The following ARHGAP39 variants were observed in gnomAD, a reference collection of about 807,000 sequenced individuals.
ARHGAP39 encodes Rho GTPase activating protein 39.
ARHGAP39 carries 44 observed loss-of-function variants against 106.9 expected under a neutral mutation model. The observed-to-expected ratio is 0.41, with a 90% CI of 0.32 to 0.53. The LOEUF is 0.53. Among genes scored for constraint, ARHGAP39 ranks in the 20% least tolerant of loss-of-function variants. The pLI is 0.21. For missense variants in ARHGAP39, 1,496 were observed against 1,577.3 expected, an observed-to-expected ratio of 0.95 and a Z score of 0.87; for synonymous variants, 768 against 693.2, an observed-to-expected ratio of 1.11 and a Z score of -1.69.
chr8:144,579,201 C>CAAAAAAAAAAAAAAAAAA (rs541332282), intron 3 of ARHGAP39, among the ~76,000 whole-genome samples: 1 of 39,918 alleles, frequency 2.5e-5, no homozygotes, highest in Non-Finnish European at 5.1e-5. Context: ...GACTCTGTCT[C>CAAAAAAAAAAAAAAAAAA]AAAAAAAAAA....
the ARHGAP39 span, among the ~76,000 whole-genome samples, chr8:144,695,564 AAG>A: frequency 6.6e-6 from 1 of 152,144 alleles, no homozygotes; most frequent in East Asian, 1.9e-4. Flanking sequence ...GAGACGAATT[AAG>A]AGTCTGTTTA....
intron 1 of ARHGAP39, among the ~76,000 whole-genome samples, chr8:144,623,543 A>T (rs1255577280): frequency 1.3e-5 from 2 of 152,242 alleles, no homozygotes; most frequent in Non-Finnish European, 2.9e-5. Context: ...TGGCGAGGCG[A>T]CCCAGACCTG....
At position 144,548,632 on chromosome 8, in the gene ARHGAP39, C is replaced by G; in HGVS notation, c.597-143G>C. ...GCTGGGGCCCTGTGGCCTGGCGCCCCTCACACCTGCCTTGCCCCAGCACCC... is the reference window on the plus strand; with the variant it reads ...GCTGGGGCCCTGTGGCCTGGCGCCCGTCACACCTGCCTTGCCCCAGCACCC... On this transcript the variant is annotated intron_variant, in intron 4 of 11. Transcript: ENST00000377307. This position sits in a 1 kb window ranked among gnomAD's most constrained non-coding sequence, Gnocchi z 7.4. The G allele has an allele frequency of 8.4e-7, 1 of 1,194,252 alleles. No individual in the cohort carries two copies. The highest frequency in any genetic ancestry group is 2.7e-5 in the East Asian group (1 of 37,406). The allele number at this position is 1,194,252 out of a possible 1,614,324, so 74.0% of individuals were successfully genotyped here. A position where few individuals can be genotyped will look rare whatever the true frequency, so the allele number is the denominator to read the frequency against.
rs1819142695 is a variant in ARHGAP39 at position 144,585,381 on chromosome 8, C to T, written c.81-4104G>A. ...AACCTGGAGGGGCCAGCCAAGGGTT[C>T]CCAGCACCGGCTCACCGAGAACCTG... is the stretch of plus-strand genomic sequence containing the variant. On this transcript the variant is annotated intron_variant, in intron 2 of 11. Coordinates refer to ENST00000377307, the MANE Select transcript of ARHGAP39 (RefSeq NM_025251.3). This position sits in a 1 kb window ranked among gnomAD's most constrained non-coding sequence, Gnocchi z 4.6. 6.7e-6 allele frequency among the ~76,000 whole-genome samples: 1 copy of T among 149,992 alleles called. No homozygotes were observed. Among genetic ancestry groups the T allele is most frequent in the Admixed American group, 6.6e-5 (1 of 15,100 alleles).
chr8:144,598,203 C>T (rs960192184), intron 2 of ARHGAP39, among the ~76,000 whole-genome samples: 7 of 152,310 alleles, frequency 4.6e-5, no homozygotes, highest in South Asian at 2.1e-4. Flanking sequence ...GGAACCCAGC[C>T]GTGGGCCTTT....
In ARHGAP39 at chr8:144,544,857, G is replaced by A. The variant is rs113699675; in HGVS notation, c.2521+392C>T. On this transcript the variant is annotated intron_variant, in intron 6 of 11. Transcript: ENST00000377307. ...CAACCCGGATCTTGCCAGGGTGGTAGCCCTCTAGGTCACGGATGGCAGAAG... is the reference window on the plus strand; with the variant it reads ...CAACCCGGATCTTGCCAGGGTGGTAACCCTCTAGGTCACGGATGGCAGAAG... Among the ~76,000 whole-genome samples, 721 of 152,398 alleles carry A rather than the reference G, an allele frequency of 4.7e-3. 6 individuals are homozygous for A. Among genetic ancestry groups the A allele is most frequent in the African/African-American group, 0.016 (683 of 41,596 alleles).
chr8:144,633,479 A>G (rs1821113477), intron 1 of ARHGAP39, among the ~76,000 whole-genome samples: 1 of 152,238 alleles, frequency 6.6e-6, no homozygotes, highest in Non-Finnish European at 1.5e-5. Flanking sequence ...GAAAAAGAAA[A>G]GAAAAGAAAA....
rs1366655736 is a variant in ARHGAP39, at chr8:144,547,735, T to C, written c.1351A>G (p.Met451Val). 1.3e-6 allele frequency: 2 copies of C among 1,597,366 alleles called. No individual in the cohort carries two copies. Among genetic ancestry groups the C allele is most frequent in the African/African-American group, 2.7e-5 (2 of 74,812 alleles). The change falls in exon 5 of 12, where the codon ATG (methionine) becomes GTG (valine). Residue 451 changes from methionine to valine, a missense_variant. Physicochemically the swap from Met to Val is conservative, Grantham distance 21. Transcript: ENST00000377307. This position sits in a 1 kb window ranked among gnomAD's most constrained non-coding sequence, Gnocchi z 5.2. ...LGVKSGDYST[M>V]EGPELRHSQP... The stretch of plus-strand genomic sequence containing the variant: ...CTGTGCCGCAGCTCAGGTCCCTCCA[T>C]GGTGCTGTAGTCTCCGGACTTGACG...
intron 1 of ARHGAP39, among the ~76,000 whole-genome samples, chr8:144,619,159 G>A (rs558598897): frequency 3.9e-5 from 6 of 152,304 alleles, no homozygotes; most frequent in East Asian, 3.9e-4. Context: ...GGCAACAGGC[G>A]CTTGCTTCCA....
chr8:144,548,270 C>T lies in ARHGAP39; in HGVS notation c.816G>A (p.Pro272=), dbSNP rs774181274. 1.5e-5 allele frequency: 24 copies of T among 1,608,376 alleles called. No individual in the cohort carries two copies. The highest frequency in any genetic ancestry group is 2.2e-5 in the East Asian group (1 of 44,634). The part of the protein sequence containing the change: ...DGTIFFPERR[P]SPFLKRAELP... ...GCTCGGCCCTCTTCAGGAAGGGTGA[C>T]GGCCTCCTCTCTGGGAAGAAGATGG... Residue 272 remains proline (P), a synonymous_variant, in exon 5 of 12, where the codon CCG becomes CCA. Transcript: ENST00000377307. The surrounding 1 kb of genome is among the most constrained non-coding windows in gnomAD (Gnocchi z 7.4).
chr8:144,600,769 G>A (rs561794983), intron 2 of ARHGAP39, among the ~76,000 whole-genome samples: 16 of 150,988 alleles, frequency 1.1e-4, no homozygotes, highest in African/African-American at 2.7e-4. Context: ...ACCTACCTGC[G>A]TGTGCATGGA....
chr8:144,677,634 A>G (rs921533068), intron 1 of ARHGAP39, among the ~76,000 whole-genome samples: 10 of 152,218 alleles, frequency 6.6e-5, no homozygotes, highest in Admixed American at 5.2e-4. Context: ...TCTCTCAAAC[A>G]TAGTTGAAAA....
In ARHGAP39 at chr8:144,684,941, G is replaced by A. The variant is rs1170436639; in HGVS notation, c.-82+745C>T. Reference sequence around the variant, plus strand: ...CGAGGCTGCACCGCAGCGCACCGCAGCCCTGCACCCGGGCCGCCCTTCAGG... The same window carrying A: ...CGAGGCTGCACCGCAGCGCACCGCAACCCTGCACCCGGGCCGCCCTTCAGG... On this transcript the variant is annotated intron_variant, in intron 1 of 11. Transcript: ENST00000377307. The surrounding 1 kb of genome is among the most constrained non-coding windows in gnomAD (Gnocchi z 4.4). 6.6e-6 allele frequency among the ~76,000 whole-genome samples: 1 copy of A among 152,204 alleles called. No homozygotes were observed. The highest frequency in any genetic ancestry group is 2.4e-5 in the African/African-American group (1 of 41,466).
intron 7 of ARHGAP39, among the ~76,000 whole-genome samples, chr8:144,536,762 CCCA>C (rs1364504497): frequency 2.0e-5 from 3 of 152,226 alleles, no homozygotes; most frequent in Admixed American, 6.5e-5. Flanking sequence ...CCTGGCATTC[CCCA>C]CGAGGGCCCT....
In ARHGAP39 at chr8:144,555,548, G is replaced by A; in HGVS notation, c.596+12C>T. 1.2e-6 allele frequency: 2 copies of A among 1,612,758 alleles called. No homozygotes were observed. The highest frequency in any genetic ancestry group is 8.5e-7 in the Non-Finnish European group (1 of 1,178,982). On this transcript the variant is annotated intron_variant, in intron 4 of 11. Transcript: ENST00000377307. Reference sequence around the variant, plus strand: ...CCATCACAAACGGCCACGCCTGAGAGATGGGTTCTACCTGTAGTGAAGAAG... The same window carrying A: ...CCATCACAAACGGCCACGCCTGAGAAATGGGTTCTACCTGTAGTGAAGAAG...
chr8:144,662,624 C>T (rs1374803209), intron 1 of ARHGAP39, among the ~76,000 whole-genome samples: 1 of 150,608 alleles, frequency 6.6e-6, no homozygotes, highest in East Asian at 2.0e-4. Context: ...CCTTGGGCCG[C>T]TCCCCACTCC....
intron 2 of ARHGAP39, among the ~76,000 whole-genome samples, chr8:144,598,168 C>T (rs748388899): frequency 1.6e-4 from 24 of 152,186 alleles, no homozygotes; most frequent in African/African-American, 5.1e-4. Context: ...GGGCCCTTTC[C>T]GCATTGCGTG....
chr8:144,553,579 C>T (rs1171702781), intron 4 of ARHGAP39, among the ~76,000 whole-genome samples: 2 of 152,252 alleles, frequency 1.3e-5, no homozygotes, highest in Non-Finnish European at 2.9e-5. Flanking sequence ...CACTGGCAGG[C>T]CTCCCTCATA....
intron 2 of ARHGAP39, among the ~76,000 whole-genome samples, chr8:144,600,753 T>A (rs1449791961): frequency 6.7e-6 from 1 of 150,114 alleles, no homozygotes; most frequent in Admixed American, 6.6e-5. Flanking sequence ...GCGTGCGCAC[T>A]TGTGTACCTA....
Sources: gnomAD v4.1 joint callset for allele counts (sites outside exome capture counted in the v4.1 genomes callset) on GRCh38, gnomAD v4.1.1 for gene constraint, Gnocchi (gnomAD v3.1) non-coding constraint, MANE v1.5 for transcripts, NCBI Gene and HGNC (gene_info 2026-07-23, HGNC 2026-07-21) for gene names.